TENM2: variants seen among roughly 807,000 people sequenced by gnomAD.
TENM2 encodes the protein teneurin transmembrane protein 2.
Under a neutral mutation model 245.2 loss-of-function variants are expected in TENM2, and 52 were observed. The ratio of observed to expected loss-of-function variants is 0.21; its 90% CI spans 0.17 to 0.27. The LOEUF (loss-of-function observed/expected upper bound fraction) is 0.27, where lower values mean the gene tolerates loss of function less well. Ranked by LOEUF, TENM2 falls within the 10% of genes least tolerant of loss-of-function variation. TENM2 has a pLI of 1.00. For missense variants in TENM2, 3,046 were observed against 3,666.8 expected, an observed-to-expected ratio of 0.83 and a Z score of 4.37; for synonymous variants, 1,363 against 1,438.9, an observed-to-expected ratio of 0.95 and a Z score of 1.19.
intron 2 of TENM2, among the ~76,000 whole-genome samples, chr5:167,690,697 A>G (rs1388555348): frequency 6.6e-6 from 1 of 152,114 alleles, no homozygotes; most frequent in Non-Finnish European, 1.5e-5. Context: ...CCCATCTTTA[A>G]TGCCACCTAT....
chr5:167,218,556 T>G, the TENM2 span, among the ~76,000 whole-genome samples: 4 of 151,978 alleles, frequency 2.6e-5, no homozygotes, highest in African/African-American at 9.7e-5. Flanking sequence ...ACTCCACACA[T>G]CTCAAAAGAC....
At chr5:167,195,732 G>C in the TENM2 span, among the ~76,000 whole-genome samples, 2 of 151,440 alleles carry the variant, frequency 1.3e-5, no homozygotes, top group Non-Finnish European at 2.9e-5. Flanking sequence ...ATATTTGAAT[G>C]CCAAAAAAAT....
intron 7 of TENM2, among the ~76,000 whole-genome samples, chr5:168,069,897 G>A (rs946084727): frequency 6.6e-6 from 1 of 152,146 alleles, no homozygotes; most frequent in Admixed American, 6.5e-5. Flanking sequence ...ATATGGATCT[G>A]GCTGAGGGTA....
chr5:167,427,208 C>T (rs1244149284), intron 2 of TENM2, among the ~76,000 whole-genome samples: 1 of 152,142 alleles, frequency 6.6e-6, no homozygotes, highest in Non-Finnish European at 1.5e-5. Flanking sequence ...AATACCAACA[C>T]TTTGGGAGGC....
At chr5:168,144,187 T>A (rs192457394) in intron 12 of TENM2, among the ~76,000 whole-genome samples, 102 of 152,182 alleles carry the variant, frequency 6.7e-4, no homozygotes, top group East Asian at 2.3e-3. Context: ...TCTTTTTTTT[T>A]TTATTATTAT....
In TENM2 at chr5:167,300,843, CTTAG is replaced by C. The variant is rs1255114464; in HGVS notation, c.226+15784_226+15787del. On this transcript the variant is annotated intron_variant, in intron 1 of 28. Coordinates refer to ENST00000518659, the Ensembl canonical transcript of TENM2. Reference sequence around the variant, plus strand: ...CAGGAATAGTCAGGGAAGCCCATAACTTAGTTAAAGTGTCTCGGCCTAATAAGGG... The same window carrying C: ...CAGGAATAGTCAGGGAAGCCCATAACTTAAAGTGTCTCGGCCTAATAAGGG... Among the ~76,000 whole-genome samples the C allele has an allele frequency of 8.5e-5, 13 of 152,166 alleles. No homozygotes were observed. The East Asian group carries it at 2.1e-3, about 25-fold the overall frequency.
chr5:167,213,203 C>A, the TENM2 span, among the ~76,000 whole-genome samples: 1 of 152,198 alleles, frequency 6.6e-6, no homozygotes, highest in Admixed American at 6.5e-5. Flanking sequence ...ACTGTTGCTA[C>A]ATATTTTGTA....
intron 2 of TENM2, among the ~76,000 whole-genome samples, chr5:167,411,925 A>C: frequency 6.6e-6 from 1 of 152,136 alleles, no homozygotes; most frequent in East Asian, 1.9e-4. Context: ...AGGACAAAAG[A>C]TAGAAATGTG....
At chr5:167,497,928 C>T (rs916613976) in intron 2 of TENM2, among the ~76,000 whole-genome samples, 2 of 151,976 alleles carry the variant, frequency 1.3e-5, no homozygotes, top group African/African-American at 2.4e-5. Context: ...CTTCCTCGCT[C>T]GCTTCTGATA....
At chr5:168,174,037 G>A (rs377701058) in intron 13 of TENM2, among the ~76,000 whole-genome samples, 7 of 152,168 alleles carry the variant, frequency 4.6e-5, no homozygotes, top group East Asian at 3.9e-4. Context: ...TGGGGTTTGC[G>A]TGCAGTGCTG....
the TENM2 span, among the ~76,000 whole-genome samples, chr5:167,019,458 G>GTTGTTT: frequency 1.2e-3 from 181 of 152,092 alleles, 1 homozygote; most frequent in African/African-American, 4.2e-3. Context: ...CTTTTTTGTT[G>GTTGTTT]TTGTTTTTGT....
chr5:168,222,807 C>G (rs902177193), intron 23 of TENM2, among the ~76,000 whole-genome samples: 7 of 152,182 alleles, frequency 4.6e-5, no homozygotes, highest in Non-Finnish European at 1.0e-4. Context: ...TATTTTCTAT[C>G]TTGGTTTAGT....
chr5:166,981,121 C>A, the TENM2 span, among the ~76,000 whole-genome samples: 1 of 152,206 alleles, frequency 6.6e-6, no homozygotes, highest in East Asian at 1.9e-4. Context: ...AGGCACCATG[C>A]AAATTCACCT....
the TENM2 span, among the ~76,000 whole-genome samples, chr5:167,009,239 TA>T: frequency 6.6e-6 from 1 of 152,156 alleles, no homozygotes. Context: ...CACGCACACA[TA>T]TACACACTCA....
the TENM2 span, among the ~76,000 whole-genome samples, chr5:167,109,206 A>T: frequency 1.3e-5 from 2 of 152,122 alleles, no homozygotes; most frequent in Non-Finnish European, 2.9e-5. Flanking sequence ...TTATGGGCAA[A>T]TAGAACACTT....
chr5:167,380,303 G>A (rs898862274), intron 2 of TENM2, among the ~76,000 whole-genome samples: 1 of 152,144 alleles, frequency 6.6e-6, no homozygotes, highest in Non-Finnish European at 1.5e-5. Flanking sequence ...GAGGCAAAAT[G>A]TAAGAATATC....
intron 2 of TENM2, among the ~76,000 whole-genome samples, chr5:167,499,620 A>G (rs1769040693): frequency 6.6e-6 from 1 of 152,172 alleles, no homozygotes; most frequent in Non-Finnish European, 1.5e-5. Context: ...GAAGAAGACA[A>G]TCAGAATTAA....
At chr5:167,308,403 A>G (rs1380905075) in intron 1 of TENM2, among the ~76,000 whole-genome samples, 2 of 152,218 alleles carry the variant, frequency 1.3e-5, no homozygotes, top group Non-Finnish European at 2.9e-5. Flanking sequence ...AATACGTTGT[A>G]AAGAGTGTTT....
rs1390468688 is a variant in TENM2 at position 167,778,992 on chromosome 5, G to A, written c.503-96994G>A. On this transcript the variant is annotated intron_variant, in intron 2 of 28. Transcript: ENST00000518659. ...TGTAAGCAGCATTAACGCATATCAG[G>A]CTGTCACCCAGAGTTCAGAGTTTCT... Among the ~76,000 whole-genome samples, 7 of 152,330 alleles carry A rather than the reference G, an allele frequency of 4.6e-5. No homozygotes were observed. In the South Asian group the frequency reaches 1.5e-3, roughly 32 times the overall value.
Sources: allele counts gnomAD v4.1 joint callset (sites outside exome capture counted in the v4.1 genomes callset), GRCh38; gene constraint gnomAD v4.1.1; transcripts MANE v1.5; gene names NCBI Gene and HGNC (gene_info 2026-07-23, HGNC 2026-07-21).